DYNC2H1: variants seen among roughly 807,000 people sequenced by gnomAD.
The protein encoded by DYNC2H1 is cytoplasmic dynein 2 heavy chain 1.
DYNC2H1 carries 410 observed loss-of-function variants against 570.0 expected under a neutral mutation model. The observed-to-expected ratio is 0.72, with a 90% CI of 0.66 to 0.78. The LOEUF is 0.78. DYNC2H1 is among the 30% of genes least tolerant of loss of function. DYNC2H1 has a pLI of 0.00. For missense variants in DYNC2H1, 4,865 were observed against 5,046.4 expected (o/e 0.96, Z 1.09); for synonymous variants, 1,688 against 1,677.6 (o/e 1.01, Z -0.15).
At position 103,222,107 on chromosome 11, in the gene DYNC2H1, G is replaced by A; in HGVS notation, c.9185G>A (p.Ser3062Asn). The A allele has an allele frequency of 6.3e-7, 1 of 1,599,168 alleles. No individual in the cohort carries two copies. The highest frequency in any genetic ancestry group is 2.2e-5 in the East Asian group (1 of 44,570). The change falls in exon 58 of 89, where the codon AGT becomes AAT. Residue 3062 changes from serine to asparagine, a missense_variant. Physicochemically the swap from Ser to Asn is conservative, Grantham distance 46. This residue lies in a region of DYNC2H1 where 2,401 missense variants were observed against 2,454.6 expected (regional missense o/e 0.98). Coordinates refer to ENST00000375735, the MANE Select transcript of DYNC2H1 (RefSeq NM_001377.3). ...ARNISKEIRESVEELLFKNKG... is the reference protein window; with the variant it reads ...ARNISKEIRENVEELLFKNKG... ...AATATTTCAAAGGAAATAAGAGAGA[G>A]TGTTGAAGAACTTCTTTTTAAAAAT...
chr11:103,384,575 A>T (rs1398927630), intron 83 of DYNC2H1, among the ~76,000 whole-genome samples: 1 of 152,016 alleles, frequency 6.6e-6, no homozygotes, highest in Non-Finnish European at 1.5e-5. Context: ...TACAACTTAT[A>T]TGCATTTTTT....
At chr11:103,197,581 A>G (rs1217058700) in intron 47 of DYNC2H1, among the ~76,000 whole-genome samples, 2 of 152,006 alleles carry the variant, frequency 1.3e-5, no homozygotes, top group African/African-American at 4.8e-5. Flanking sequence ...CCAAGTAGCT[A>G]GGACCACAGG....
chr11:103,263,036 A>ATC (rs1865369835), intron 70 of DYNC2H1, among the ~76,000 whole-genome samples: 1 of 149,434 alleles, frequency 6.7e-6, no homozygotes, highest in African/African-American at 2.5e-5. Flanking sequence ...AAAAAAAAAA[A>ATC]AAAAAAAAAA....
chr11:103,309,794 A>G (rs1387802896), intron 78 of DYNC2H1, among the ~76,000 whole-genome samples: 1 of 152,108 alleles, frequency 6.6e-6, no homozygotes, highest in Non-Finnish European at 1.5e-5. Context: ...TTCAAGGCCA[A>G]GTAAGAGGAA....
chr11:103,143,780 C>T (rs1481017267), intron 18 of DYNC2H1, among the ~76,000 whole-genome samples: 1 of 152,022 alleles, frequency 6.6e-6, no homozygotes, highest in East Asian at 1.9e-4. Context: ...TTCAAGATGT[C>T]CTGGAAGGCA....
At chr11:103,200,283 T>G in intron 50 of DYNC2H1, 129 bp downstream of exon 50, 1 of 620,176 alleles carries the variant, frequency 1.6e-6, no homozygotes, top group Non-Finnish European at 2.8e-6. Context: ...GGAGACATGG[T>G]GTTAAACATG....
At chr11:103,333,231 A>G (rs1938916888) in intron 82 of DYNC2H1, among the ~76,000 whole-genome samples, 1 of 152,146 alleles carries the variant, frequency 6.6e-6, no homozygotes, top group Admixed American at 6.5e-5. Flanking sequence ...GTGTGTGTAA[A>G]AAAAGTAGAA....
At chr11:103,429,217 T>A (rs1943798011) in intron 84 of DYNC2H1, among the ~76,000 whole-genome samples, 1 of 151,662 alleles carries the variant, frequency 6.6e-6, no homozygotes, top group African/African-American at 2.4e-5. Flanking sequence ...GCCATGATCA[T>A]GCCACTGTAC....
At chr11:103,150,351 AAG>A (rs1037017274) in intron 20 of DYNC2H1, among the ~76,000 whole-genome samples, 6 of 16,994 alleles carry the variant, frequency 3.5e-4, no homozygotes, top group Non-Finnish European at 2.1e-4. Flanking sequence ...TATGATAGAC[AAG>A]AGATGATGGA....
At chr11:103,433,911 A>T (rs1943978423) in intron 84 of DYNC2H1, among the ~76,000 whole-genome samples, 1 of 152,120 alleles carries the variant, frequency 6.6e-6, no homozygotes, top group South Asian at 2.1e-4. Context: ...AACTGCAAAG[A>T]CATTCCTATT....
chr11:103,343,269 C>G (rs951683035), intron 82 of DYNC2H1, among the ~76,000 whole-genome samples: 4 of 152,200 alleles, frequency 2.6e-5, no homozygotes, highest in African/African-American at 9.7e-5. Flanking sequence ...ACTCGACCAT[C>G]TATCCTGTAT....
intron 1 of DYNC2H1, among the ~76,000 whole-genome samples, chr11:103,112,467 T>A (rs1858160203): frequency 6.6e-6 from 1 of 152,214 alleles, no homozygotes; most frequent in Admixed American, 6.5e-5. Flanking sequence ...AAGGGCTCCA[T>A]TAGCAGCTAC....
chr11:103,136,554 C>T (rs1859566553), intron 17 of DYNC2H1, among the ~76,000 whole-genome samples: 1 of 152,246 alleles, frequency 6.6e-6, no homozygotes, highest in South Asian at 2.1e-4. Flanking sequence ...AAGACATGAA[C>T]TCATCATTTT....
intron 85 of DYNC2H1, among the ~76,000 whole-genome samples, chr11:103,450,670 C>T (rs554604): frequency 6.6e-6 from 1 of 152,038 alleles, no homozygotes; most frequent in Non-Finnish European, 1.5e-5. Context: ...AAAATGTGGA[C>T]ATGGCACATT....
chr11:103,404,506 T>C (rs1942779701), intron 84 of DYNC2H1: 1 of 148,878 alleles, frequency 6.7e-6, no homozygotes, highest in Non-Finnish European at 1.5e-5. Flanking sequence ...ATATTTCATA[T>C]GGTGTGCACA....
chr11:103,372,626 G>A (rs1941217959), intron 83 of DYNC2H1, among the ~76,000 whole-genome samples: 1 of 152,038 alleles, frequency 6.6e-6, no homozygotes, highest in African/African-American at 2.4e-5. Context: ...AATTTGGTTC[G>A]CTAGTATCTT....
intron 70 of DYNC2H1, among the ~76,000 whole-genome samples, chr11:103,267,387 A>G (rs570732141): frequency 6.7e-6 from 1 of 150,114 alleles, no homozygotes; most frequent in African/African-American, 2.5e-5. Context: ...TCCACTCTGT[A>G]TATTTTCCTT....
At chr11:103,222,451 G>A (rs1419135983) in intron 58 of DYNC2H1, among the ~76,000 whole-genome samples, 1 of 151,678 alleles carries the variant, frequency 6.6e-6, no homozygotes, top group Non-Finnish European at 1.5e-5. Flanking sequence ...TTTTTCTTGT[G>A]TACTTGTCAG....
chr11:103,382,092 G>A (rs1252041217), intron 83 of DYNC2H1, among the ~76,000 whole-genome samples: 1 of 145,242 alleles, frequency 6.9e-6, no homozygotes, highest in African/African-American at 2.5e-5. Context: ...TTTTTATTAC[G>A]TACCAGCTAC....
Sources: allele counts gnomAD v4.1 joint callset (sites outside exome capture counted in the v4.1 genomes callset), GRCh38; gene constraint gnomAD v4.1.1; regional missense constraint gnomAD v4.1.1; transcripts MANE v1.5; gene names NCBI Gene and HGNC (gene_info 2026-07-23, HGNC 2026-07-21).